The following FHOD3 variants were observed in gnomAD, a reference collection of about 807,000 sequenced individuals.
The protein encoded by FHOD3 is FH1/FH2 domain-containing protein 3.
In FHOD3, 90 loss-of-function variants were observed where a neutral mutation model predicts 173.0. The observed-to-expected ratio is 0.52, with a 90% confidence interval of 0.44 to 0.62. The LOEUF (loss-of-function observed/expected upper bound fraction) is 0.62. Ranked by LOEUF, FHOD3 falls within the 20% of genes least tolerant of loss-of-function variation. The pLI, the probability that FHOD3 is intolerant of heterozygous loss-of-function variation, is 0.00. For missense variants in FHOD3, 1,945 were observed against 2,034.7 expected (o/e 0.96, Z 0.85); for synonymous variants, 828 against 823.0 (o/e 1.01, Z -0.10).
intron 5 of FHOD3, among the ~76,000 whole-genome samples, chr18:36,535,196 G>A (rs979783): frequency 6.6e-6 from 1 of 152,152 alleles, no homozygotes; most frequent in Non-Finnish European, 1.5e-5. Flanking sequence ...CAGTTGCTTA[G>A]GTGAAATATA....
chr18:36,437,224 C>T (rs947149429), intron 3 of FHOD3, among the ~76,000 whole-genome samples: 1 of 151,926 alleles, frequency 6.6e-6, no homozygotes, highest in Non-Finnish European at 1.5e-5. Flanking sequence ...CTCAAGTGAT[C>T]CTCCCACCCA....
intron 1 of FHOD3, among the ~76,000 whole-genome samples, chr18:36,345,243 C>A (rs1470702853): frequency 6.6e-6 from 1 of 151,742 alleles, no homozygotes; most frequent in Non-Finnish European, 1.5e-5. Context: ...AGCAAGAAAT[C>A]TACAATAAAA....
At chr18:36,631,258 G>A (rs2034492028) in intron 10 of FHOD3, among the ~76,000 whole-genome samples, 1 of 152,214 alleles carries the variant, frequency 6.6e-6, no homozygotes, top group Admixed American at 6.5e-5. Flanking sequence ...CACCAGAGGG[G>A]TGTTTAGAAT....
intron 23 of FHOD3, among the ~76,000 whole-genome samples, chr18:36,745,457 G>T (rs1175484637): frequency 6.6e-6 from 1 of 152,126 alleles, no homozygotes; most frequent in Non-Finnish European, 1.5e-5. Flanking sequence ...TGTCTTGCAT[G>T]CCTCCCTGCC....
At chr18:36,424,345 G>T (rs976825961) in intron 3 of FHOD3, among the ~76,000 whole-genome samples, 2 of 152,086 alleles carry the variant, frequency 1.3e-5, no homozygotes, top group Non-Finnish European at 2.9e-5. Context: ...TTCCCCGTAT[G>T]CCTTCTGGTG....
At chr18:36,322,149 T>C (rs747469962) in intron 1 of FHOD3, among the ~76,000 whole-genome samples, 5 of 151,982 alleles carry the variant, frequency 3.3e-5, no homozygotes, top group Admixed American at 1.3e-4. Flanking sequence ...TCTTCTGTGA[T>C]GGTGGGAGAA....
At chr18:36,517,941 G>C (rs1416312954) in intron 5 of FHOD3, among the ~76,000 whole-genome samples, 1 of 152,098 alleles carries the variant, frequency 6.6e-6, no homozygotes, top group Non-Finnish European at 1.5e-5. Flanking sequence ...AGGATGTATG[G>C]TCAGATGGTG....
At chr18:36,355,731 C>A (rs2046328575) in intron 2 of FHOD3, 86 bp downstream of exon 2, 2 of 1,069,374 alleles carry the variant, frequency 1.9e-6, no homozygotes, top group Non-Finnish European at 1.4e-6. Flanking sequence ...TTAGGAGGAA[C>A]TACCATGGCT....
In FHOD3 at chr18:36,523,961, A is replaced by G. The variant is rs114581081; in HGVS notation, c.511+11418A>G. ...GACCCCAGCCAAGTCATTGAAAACA[A>G]TGGTGAACTATCTTTAGTCATTAAG... On this transcript the variant is annotated intron_variant, in intron 5 of 28. Transcript: ENST00000590592. Among the ~76,000 whole-genome samples, 820 of 152,312 alleles carry G rather than the reference A, an allele frequency of 5.4e-3. 7 individuals are homozygous for G. Among genetic ancestry groups the G allele is most frequent in the African/African-American group, 0.019 (788 of 41,580 alleles).
chr18:36,679,498 CTT>C (rs2038093761), intron 14 of FHOD3, among the ~76,000 whole-genome samples: 1 of 151,962 alleles, frequency 6.6e-6, no homozygotes. Context: ...AATTTTTACT[CTT>C]TCTTTTCTTC....
At chr18:36,618,311 G>GGT (rs2033404182) in intron 9 of FHOD3, among the ~76,000 whole-genome samples, 1 of 70,844 alleles carries the variant, frequency 1.4e-5, no homozygotes, top group Non-Finnish European at 2.5e-5. Flanking sequence ...TTTTTTGGTG[G>GGT]TTTTTTTTTT....
chr18:36,342,619 CA>C (rs1330184062), intron 1 of FHOD3, among the ~76,000 whole-genome samples: 30 of 152,162 alleles, frequency 2.0e-4, no homozygotes, highest in Admixed American at 1.2e-3. Flanking sequence ...AAACGTCCTT[CA>C]AAATGAAGGT....
intron 5 of FHOD3, among the ~76,000 whole-genome samples, chr18:36,552,154 G>C (rs992311665): frequency 9.9e-5 from 15 of 152,108 alleles, no homozygotes; most frequent in African/African-American, 3.6e-4. Flanking sequence ...CCATTTGTTT[G>C]TGTCCTCTTT....
At chr18:36,651,976 G>A (rs1251850794) in intron 11 of FHOD3, among the ~76,000 whole-genome samples, 3 of 152,208 alleles carry the variant, frequency 2.0e-5, no homozygotes, top group South Asian at 4.1e-4. Context: ...GTATGAAACG[G>A]GCAAAATTTG....
In FHOD3 at chr18:36,746,972, T is replaced by G. The variant is rs761072317; in HGVS notation, c.4069T>G (p.Leu1357Val). ...TGACTTTGATCAACTTCAGGATAAT[T>G]TATGTCAGATGGAGAGAAGATGCAA... is the stretch of plus-strand genomic sequence containing the variant. ...KVDFDQLQDNLCQMERRCKAS... is the reference protein window; with the variant it reads ...KVDFDQLQDNVCQMERRCKAS... The change falls in exon 24 of 29, where the codon TTA becomes GTA. Residue 1357 changes from leucine to valine, a missense_variant. Around this residue, in one of 5 missense-constraint regions of FHOD3, gnomAD observed 354 missense variants for 359.9 expected, o/e 0.98. Transcript: ENST00000590592. 1.2e-6 allele frequency: 2 copies of G among 1,612,032 alleles called. No individual in the cohort carries two copies. The highest frequency in any genetic ancestry group is 2.7e-5 in the African/African-American group (2 of 74,822).
chr18:36,395,311 C>T (rs1401246246), intron 3 of FHOD3, among the ~76,000 whole-genome samples: 6 of 123,722 alleles, frequency 4.8e-5, no homozygotes, highest in African/African-American at 9.4e-5. Flanking sequence ...AGTGAGACTC[C>T]GTCTCAAAAA....
At chr18:36,698,099 T>C (rs992982867) in intron 17 of FHOD3, among the ~76,000 whole-genome samples, 1 of 152,196 alleles carries the variant, frequency 6.6e-6, no homozygotes, top group Non-Finnish European at 1.5e-5. Context: ...GTTCAGTGTT[T>C]CATGAATTGG....
chr18:36,719,403 G>T (rs2040635800), intron 19 of FHOD3, among the ~76,000 whole-genome samples: 1 of 139,612 alleles, frequency 7.2e-6, no homozygotes, highest in South Asian at 2.5e-4. Context: ...CAAAGGTTAA[G>T]TCATGGTTAA....
At chr18:36,314,082 T>G (rs986115943) in intron 1 of FHOD3, among the ~76,000 whole-genome samples, 2 of 152,190 alleles carry the variant, frequency 1.3e-5, no homozygotes, top group Non-Finnish European at 2.9e-5. Context: ...TTTCTGAACT[T>G]CAGAATGTAA....
Sources: gnomAD v4.1 joint callset for allele counts (sites outside exome capture counted in the v4.1 genomes callset) on GRCh38, gnomAD v4.1.1 for gene constraint, gnomAD v4.1.1 regional missense constraint, MANE v1.5 for transcripts, NCBI Gene and HGNC (gene_info 2026-07-23, HGNC 2026-07-21) for gene names.